Variants in DNAAF4 observed in about 807,000 individuals in gnomAD.
DNAAF4 encodes the protein dynein axonemal assembly factor 4.
DNAAF4 carries 43 observed loss-of-function variants against 51.8 expected under a neutral mutation model. The ratio of observed to expected loss-of-function variants is 0.83; its 90% CI spans 0.65 to 1.07. The LOEUF (loss-of-function observed/expected upper bound fraction) is 1.07. DNAAF4 is among the 50% of genes least tolerant of loss of function. The probability of loss-of-function intolerance (pLI) is 0.00; values close to 1 mark genes in which losing one functional copy is unlikely to be tolerated. For synonymous variants in DNAAF4, 194 were observed against 165.6 expected, an observed-to-expected ratio of 1.17 and a Z score of -1.32; for missense variants, 581 against 493.0, an observed-to-expected ratio of 1.18 and a Z score of -1.69.
chr15:55,490,204 A>C (rs1312024667), intron 4 of DNAAF4, among the ~76,000 whole-genome samples: 1 of 152,084 alleles, frequency 6.6e-6, no homozygotes, highest in Admixed American at 6.6e-5. Flanking sequence ...AAAATTACTC[A>C]AAATAGGTAT....
intron 5 of DNAAF4, among the ~76,000 whole-genome samples, chr15:55,453,452 C>T (rs987973481): frequency 1.4e-4 from 21 of 150,210 alleles, no homozygotes; most frequent in African/African-American, 5.2e-4. Context: ...TCATTTTAAA[C>T]ATACTTACTT....
intron 1 of DNAAF4, among the ~76,000 whole-genome samples, chr15:55,505,861 A>T (rs1424481190): frequency 6.6e-6 from 1 of 152,212 alleles, no homozygotes; most frequent in Non-Finnish European, 1.5e-5. Context: ...GCACATGTAT[A>T]CCTATGTAAC....
chr15:55,482,261 G>A (rs966445982), intron 4 of DNAAF4, among the ~76,000 whole-genome samples: 4 of 152,136 alleles, frequency 2.6e-5, no homozygotes, highest in Non-Finnish European at 5.9e-5. Context: ...ATACATTGTT[G>A]GTGGGAATGA....
intron 7 of DNAAF4, chr15:55,418,216 CT>C: frequency 6.4e-7 from 1 of 1,571,604 alleles, no homozygotes; most frequent in Non-Finnish European, 8.6e-7. Context: ...ATGTGTTTAT[CT>C]TTTAGGATAA....
chr15:55,448,192 T>C (rs2057868992), intron 6 of DNAAF4, among the ~76,000 whole-genome samples: 1 of 152,166 alleles, frequency 6.6e-6, no homozygotes, highest in Non-Finnish European at 1.5e-5. Context: ...TCTTTGGTTC[T>C]GTTTATATGC....
intron 5 of DNAAF4, among the ~76,000 whole-genome samples, chr15:55,460,197 T>C (rs969828294): frequency 6.6e-6 from 1 of 150,534 alleles, no homozygotes; most frequent in African/African-American, 2.4e-5. Flanking sequence ...ATTTTTTTTT[T>C]TGAGACAGAG....
chr15:55,484,206 G>A (rs370906609), intron 4 of DNAAF4, among the ~76,000 whole-genome samples: 21 of 152,058 alleles, frequency 1.4e-4, no homozygotes, highest in Middle Eastern at 3.4e-3. Flanking sequence ...AAAATAGGCC[G>A]GGCGCGGTGG....
chr15:55,495,780 A>G (rs571786235), intron 3 of DNAAF4, among the ~76,000 whole-genome samples: 1 of 152,334 alleles, frequency 6.6e-6, no homozygotes, highest in East Asian at 1.9e-4. Flanking sequence ...GGCAGTAAAC[A>G]TAAAGTATTA....
chr15:55,473,332 T>A (rs934403676), intron 4 of DNAAF4, among the ~76,000 whole-genome samples: 1 of 123,534 alleles, frequency 8.1e-6, no homozygotes, highest in Non-Finnish European at 1.7e-5. Context: ...TGTATATATA[T>A]GTGTGTATAT....
rs544223468 is a variant in DNAAF4, at chr15:55,425,158, C to G, written c.1048-7025G>C. ...GGGATTACAGGCGTGAGCCATCACG[C>G]TCAGCCACATACTTTGCTCTTAAGA... On this transcript the variant is annotated intron_variant, in intron 7 of 7. Coordinates refer to the DNAAF4 transcript ENST00000448430. Among the ~76,000 whole-genome samples the G allele has an allele frequency of 2.0e-5, 3 of 152,390 alleles. No homozygotes were observed. The East Asian group carries it at 5.8e-4, about 29-fold the overall frequency.
chr15:55,437,457 T>C (rs2057631820), intron 7 of DNAAF4, among the ~76,000 whole-genome samples: 3 of 151,544 alleles, frequency 2.0e-5, no homozygotes, highest in Non-Finnish European at 1.5e-5. Flanking sequence ...CAAGAAAAAG[T>C]AGAAAGAAAG....
chr15:55,471,361 T>C (rs1056382140), intron 4 of DNAAF4, among the ~76,000 whole-genome samples: 5 of 152,136 alleles, frequency 3.3e-5, no homozygotes, highest in Admixed American at 3.3e-4. Context: ...GTCAGGAACC[T>C]GGGTCAAAAT....
intron 6 of DNAAF4, among the ~76,000 whole-genome samples, chr15:55,447,462 C>G (rs1022086857): frequency 6.6e-6 from 1 of 151,516 alleles, no homozygotes; most frequent in Non-Finnish European, 1.5e-5. Context: ...CGAGATCATG[C>G]CACTGCACTC....
At chr15:55,428,079 A>T (rs2141390339), downstream of DNAAF4, among the ~76,000 whole-genome samples, 1 of 152,142 alleles carries the variant, frequency 6.6e-6, no homozygotes, top group East Asian at 1.9e-4. Flanking sequence ...CAGCCTCCCA[A>T]GTAGCTAGGG....
chr15:55,487,193 A>C (rs1270103508), intron 4 of DNAAF4, among the ~76,000 whole-genome samples: 1 of 152,204 alleles, frequency 6.6e-6, no homozygotes, highest in Non-Finnish European at 1.5e-5. Flanking sequence ...CACTCTGTAA[A>C]AATGCACCAA....
chr15:55,423,194 A>G (rs1378572244), intron 7 of DNAAF4, among the ~76,000 whole-genome samples: 1 of 150,692 alleles, frequency 6.6e-6, no homozygotes, highest in East Asian at 1.9e-4. Context: ...GATATGATAT[A>G]ATATAGCATA....
chr15:55,482,699 C>T (rs2058429077), intron 4 of DNAAF4, among the ~76,000 whole-genome samples: 1 of 151,784 alleles, frequency 6.6e-6, no homozygotes, highest in Non-Finnish European at 1.5e-5. Flanking sequence ...CAAAACAAAA[C>T]AAAAAACAGA....
At chr15:55,442,718 T>A in intron 6 of DNAAF4, 1 of 1,512,020 alleles carries the variant, frequency 6.6e-7, no homozygotes, top group Non-Finnish European at 9.2e-7. Flanking sequence ...CTCTGAACAT[T>A]ACTGGAAACA....
chr15:55,467,712 G>GTC (rs1048909565), intron 4 of DNAAF4, among the ~76,000 whole-genome samples: 1 of 152,142 alleles, frequency 6.6e-6, no homozygotes, highest in African/African-American at 2.4e-5. Context: ...GAACAAGACG[G>GTC]TCTGTCTCTG....
Sources: gnomAD v4.1 joint callset for allele counts (sites outside exome capture counted in the v4.1 genomes callset) on GRCh38, gnomAD v4.1.1 for gene constraint, MANE v1.5 for transcripts, NCBI Gene and HGNC (gene_info 2026-07-23, HGNC 2026-07-21) for gene names.